SLC15A2: variants seen among roughly 807,000 people sequenced by gnomAD.
SLC15A2 encodes solute carrier family 15 member 2, also known as kidney H(+)/peptide cotransporter.
Under a neutral mutation model 95.5 loss-of-function variants are expected in SLC15A2, and 77 were observed. The observed-to-expected ratio is 0.81, with a 90% CI of 0.67 to 0.97. The LOEUF is 0.97. SLC15A2 is among the 50% of genes least tolerant of loss of function. SLC15A2 has a pLI of 0.00. For missense variants in SLC15A2, 893 were observed against 874.4 expected, an observed-to-expected ratio of 1.02 and a Z score of -0.27; for synonymous variants, 306 against 306.9, an observed-to-expected ratio of 1.00 and a Z score of 0.03.
intron 19 of SLC15A2, among the ~76,000 whole-genome samples, chr3:121,935,457 A>G (rs1391887034): frequency 6.6e-6 from 1 of 152,210 alleles, no homozygotes; most frequent in Non-Finnish European, 1.5e-5. Flanking sequence ...TTATTGGTCT[A>G]TTCAGAGATT....
intron 3 of SLC15A2, among the ~76,000 whole-genome samples, chr3:121,906,832 G>T (rs141937494): frequency 3.3e-4 from 50 of 152,220 alleles, no homozygotes; most frequent in African/African-American, 9.2e-4. Context: ...TGACAATTAT[G>T]TGTCTTGGGG....
chr3:121,898,510 A>G (rs569950404), intron 3 of SLC15A2, among the ~76,000 whole-genome samples: 1 of 152,284 alleles, frequency 6.6e-6, no homozygotes, highest in Admixed American at 6.5e-5. Flanking sequence ...ATTATTTTCT[A>G]TGGACCTGTC....
chr3:121,914,433 A>G (rs924368489), intron 5 of SLC15A2, among the ~76,000 whole-genome samples: 1 of 152,218 alleles, frequency 6.6e-6, no homozygotes, highest in African/African-American at 2.4e-5. Flanking sequence ...CCAGGTTTCC[A>G]CTAGCCACTT....
intron 19 of SLC15A2, among the ~76,000 whole-genome samples, chr3:121,933,008 G>A (rs1391265060): frequency 3.3e-5 from 5 of 150,748 alleles, no homozygotes; most frequent in South Asian, 2.1e-4. Flanking sequence ...GAGAATATGC[G>A]GTGTTTGGTT....
intron 3 of SLC15A2, among the ~76,000 whole-genome samples, chr3:121,899,285 C>T (rs1264550714): frequency 1.3e-5 from 2 of 152,090 alleles, no homozygotes; most frequent in East Asian, 3.8e-4. Context: ...ATATAACTTA[C>T]ATAAAGTACA....
intron 7 of SLC15A2, among the ~76,000 whole-genome samples, chr3:121,916,526 G>T (rs1264543488): frequency 6.6e-6 from 1 of 152,186 alleles, no homozygotes; most frequent in African/African-American, 2.4e-5. Flanking sequence ...GGCACTGATA[G>T]TAGTACTCAG....
At chr3:121,914,339 G>A (rs1298601826) in intron 5 of SLC15A2, among the ~76,000 whole-genome samples, 2 of 152,154 alleles carry the variant, frequency 1.3e-5, no homozygotes, top group East Asian at 1.9e-4. Flanking sequence ...TATAATGAAC[G>A]AAACATCAGC....
intron 1 of SLC15A2, among the ~76,000 whole-genome samples, chr3:121,895,660 T>A (rs954558124): frequency 1.3e-5 from 2 of 152,242 alleles, no homozygotes; most frequent in Non-Finnish European, 2.9e-5. Flanking sequence ...TTAGTTGGTC[T>A]ATTGTAATAG....
At chr3:121,931,471 G>A (rs566316551) in intron 18 of SLC15A2, among the ~76,000 whole-genome samples, 168 bp from the exon 19 acceptor site, 8 of 152,308 alleles carry the variant, frequency 5.3e-5, no homozygotes, top group African/African-American at 1.7e-4. Flanking sequence ...AGGGACAGAA[G>A]CCTGGCATGA....
intron 19 of SLC15A2, among the ~76,000 whole-genome samples, chr3:121,936,114 A>T (rs1710341454): frequency 6.6e-6 from 1 of 152,168 alleles, no homozygotes; most frequent in Admixed American, 6.5e-5. Flanking sequence ...GTTGGATTGA[A>T]CTGTGGTCTG....
At chr3:121,904,971 T>C (rs1709602842) in intron 3 of SLC15A2, among the ~76,000 whole-genome samples, 1 of 152,250 alleles carries the variant, frequency 6.6e-6, no homozygotes, top group Non-Finnish European at 1.5e-5. Flanking sequence ...TGTGAATCCG[T>C]CTGGTCCTGG....
rs908341053 is a variant in SLC15A2, at chr3:121,942,496, T to C, written c.*1489T>C. On this transcript the variant is annotated 3_prime_UTR_variant, in exon 22 of 22. Coordinates refer to ENST00000489711, the MANE Select transcript of SLC15A2 (RefSeq NM_021082.4). ...TGTTAATATTAACAGATAATGTTACTGTTAACAGGTAAGAGAAATTGCTCT... is the reference window on the plus strand; with the variant it reads ...TGTTAATATTAACAGATAATGTTACCGTTAACAGGTAAGAGAAATTGCTCT... 9 of 152,250 alleles carry C rather than the reference T, an allele frequency of 5.9e-5. No individual in the cohort carries two copies. The highest frequency in any genetic ancestry group is 1.2e-4 in the Non-Finnish European group (8 of 68,042). The allele number at this position is 152,250 out of a possible 1,614,324, so 9.4% of individuals were successfully genotyped here.
rs751141184 is a variant in SLC15A2 at position 121,915,237 on chromosome 3, G to A, written c.539G>A (p.Arg180Gln). Residue 180 changes from arginine (R) to glutamine (Q), a missense_variant, in exon 6 of 22, where the codon CGG (arginine) becomes CAG (glutamine). Arg to Gln is a conservative substitution (Grantham distance 43). Transcript: ENST00000489711. The stretch of plus-strand genomic sequence containing the variant: ...TCCTGTTTGTTTCAGGCAGAGGAAC[G>A]GACTAGATACTTCTCAGTCTTCTAC... The part of the protein sequence containing the change: ...DQFEEKHAEE[R>Q]TRYFSVFYLS... 10 of 1,612,424 alleles carry A rather than the reference G, an allele frequency of 6.2e-6. No individual in the cohort carries two copies. The highest frequency in any genetic ancestry group is 1.6e-4 in the Middle Eastern group (1 of 6,082).
chr3:121,904,259 G>A (rs1323762950), intron 3 of SLC15A2, among the ~76,000 whole-genome samples: 7 of 152,092 alleles, frequency 4.6e-5, no homozygotes, highest in Non-Finnish European at 5.9e-5. Context: ...GGCTGAGACA[G>A]TGGGGTTTTC....
At chr3:121,925,186 A>G (rs1710090883) in intron 13 of SLC15A2, among the ~76,000 whole-genome samples, 153 bp downstream of exon 13, 1 of 152,160 alleles carries the variant, frequency 6.6e-6, no homozygotes, top group Admixed American at 6.5e-5. Flanking sequence ...CTAACTGCCT[A>G]TTGACCCTGA....
intron 3 of SLC15A2, among the ~76,000 whole-genome samples, chr3:121,907,684 G>A (rs1323954482): frequency 1.3e-5 from 2 of 152,214 alleles, no homozygotes; most frequent in Non-Finnish European, 2.9e-5. Context: ...CACCAGTGGA[G>A]GCTGCAGAAC....
Position 121,927,738 on chromosome 3 carries a change from G to A in SLC15A2, c.1125-20G>A, listed in dbSNP as rs765043444. 6.3e-7 allele frequency: 1 copy of A among 1,588,972 alleles called. No homozygotes were observed. Reference sequence around the variant, plus strand: ...TAGAGTCTAAAGTTTAGATATAATTGTTTCTCCTTTCCACCACAGATCACT... The same window carrying A: ...TAGAGTCTAAAGTTTAGATATAATTATTTCTCCTTTCCACCACAGATCACT... On this transcript the variant is annotated intron_variant, in intron 13 of 21. Transcript: ENST00000489711.
At chr3:121,910,810 T>G (rs1230856275) in intron 3 of SLC15A2, among the ~76,000 whole-genome samples, 2 of 152,224 alleles carry the variant, frequency 1.3e-5, no homozygotes, top group African/African-American at 2.4e-5. Flanking sequence ...TGTGTGAATC[T>G]CTCTATATGT....
chr3:121,939,513 G>C lies in SLC15A2; in HGVS notation c.1908+18G>C. On this transcript the variant is annotated intron_variant, in intron 20 of 21. Coordinates refer to ENST00000489711, the MANE Select transcript of SLC15A2 (RefSeq NM_021082.4). ...ATTCTCAGGTAAGTTTTTGCAAATA[G>C]AAGGTAGAAATTGAGGCATTGCTTG... The C allele has an allele frequency of 6.8e-7, 1 of 1,478,854 alleles. No individual in the cohort carries two copies. The highest frequency in any genetic ancestry group is 9.0e-7 in the Non-Finnish European group (1 of 1,112,674). The allele number at this position is 1,478,854 out of a possible 1,614,324, so 91.6% of individuals were successfully genotyped here.
Sources: gnomAD v4.1 joint callset for allele counts (sites outside exome capture counted in the v4.1 genomes callset) on GRCh38, gnomAD v4.1.1 for gene constraint, MANE v1.5 for transcripts, NCBI Gene and HGNC (gene_info 2026-07-23, HGNC 2026-07-21) for gene names.